The following PRKCH variants were observed in gnomAD, a reference collection of about 807,000 sequenced individuals.
The protein encoded by PRKCH is protein kinase C eta, also known as protein kinase C eta type.
In PRKCH, 28 loss-of-function variants were observed where a neutral mutation model predicts 82.5. The ratio of observed to expected loss-of-function variants is 0.34; its 90% CI spans 0.25 to 0.47. The LOEUF is 0.47. Ranked by LOEUF, PRKCH falls within the 20% of genes least tolerant of loss-of-function variation. The pLI is 1.00. For synonymous variants in PRKCH, 322 were observed against 327.4 expected, an observed-to-expected ratio of 0.98 and a Z score of 0.18; for missense variants, 705 against 881.8, an observed-to-expected ratio of 0.80 and a Z score of 2.54.
At chr14:61,549,226 C>G (rs11158355) in intron 13 of PRKCH, among the ~76,000 whole-genome samples, 9,247 of 152,256 alleles carry the variant, frequency 0.061, 900 homozygotes, top group African/African-American at 0.21. Context: ...TCAGCACTTG[C>G]AAGAAATCTT....
intron 1 of PRKCH, among the ~76,000 whole-genome samples, chr14:61,357,976 T>C (rs2046173687): frequency 6.6e-6 from 1 of 152,190 alleles, no homozygotes; most frequent in Non-Finnish European, 1.5e-5. Flanking sequence ...CATGTGAGTA[T>C]CTGAAAGCCT....
intron 1 of PRKCH, among the ~76,000 whole-genome samples, chr14:61,329,232 G>GTTTTTTT (rs369546229): frequency 1.2e-4 from 2 of 16,134 alleles, no homozygotes; most frequent in African/African-American, 2.3e-4. Context: ...AAACTCCTGA[G>GTTTTTTT]TCTTTTTTTT....
intron 4 of PRKCH, among the ~76,000 whole-genome samples, chr14:61,447,330 G>A (rs1884275224): frequency 6.6e-6 from 1 of 152,160 alleles, no homozygotes; most frequent in African/African-American, 2.4e-5. Flanking sequence ...AAGGAAAAAT[G>A]AACAAATCCA....
At chr14:61,305,221 C>G (rs980350143) in intron 1 of PRKCH, 5 of 152,044 alleles carry the variant, frequency 3.3e-5, no homozygotes, top group Admixed American at 2.6e-4. Context: ...CTCACTCTGT[C>G]CAGCACGGGC....
chr14:61,522,368 A>C lies in PRKCH; in HGVS notation c.1434-6707A>C, dbSNP rs558140885. 1.2e-4 allele frequency among the ~76,000 whole-genome samples: 18 copies of C among 152,196 alleles called. 1 individual carries two copies. The highest frequency in any genetic ancestry group is 1.2e-3 in the Admixed American group (18 of 15,292). On this transcript the variant is annotated intron_variant, in intron 10 of 13. Transcript: ENST00000332981. ...TCCCTCTCCTGAGTCAGAGTTTTCC[A>C]TGGTTTATTGGGCTAAAGACTGAAA...
chr14:61,468,931 G>A (rs1180892526), intron 9 of PRKCH, among the ~76,000 whole-genome samples: 2 of 152,256 alleles, frequency 1.3e-5, no homozygotes, highest in East Asian at 3.9e-4. Context: ...CTTAAAGCCT[G>A]CCAAGTTATA....
chr14:61,532,844 C>T (rs1213705074), intron 12 of PRKCH, among the ~76,000 whole-genome samples: 3 of 152,232 alleles, frequency 2.0e-5, no homozygotes, highest in African/African-American at 7.2e-5. Context: ...TGCAGGTTCA[C>T]TTTTGGGAAG....
intron 12 of PRKCH, among the ~76,000 whole-genome samples, chr14:61,541,714 A>G (rs1469025350): frequency 6.6e-6 from 1 of 152,234 alleles, no homozygotes; most frequent in Non-Finnish European, 1.5e-5. Flanking sequence ...AATCAGACAG[A>G]TTTTGAAAGA....
chr14:61,210,779 TCTCTCTCTC>T, intron 1 of PRKCH, among the ~76,000 whole-genome samples: 1 of 149,198 alleles, frequency 6.7e-6, no homozygotes, highest in Non-Finnish European at 1.5e-5. Context: ...TCTCTCTCTC[TCTCTCTCTC>T]TCTGTGTGTG....
At chr14:61,424,548 A>C (rs1051297319) in intron 2 of PRKCH, among the ~76,000 whole-genome samples, 1 of 152,216 alleles carries the variant, frequency 6.6e-6, no homozygotes, top group African/African-American at 2.4e-5. Context: ...AGATCTGTGG[A>C]ACTTTGAACT....
At chr14:61,367,891 T>C (rs2046317883) in intron 1 of PRKCH, among the ~76,000 whole-genome samples, 1 of 151,856 alleles carries the variant, frequency 6.6e-6, no homozygotes, top group South Asian at 2.1e-4. Flanking sequence ...ATTTTTTGTA[T>C]TTTTAGTAGA....
rs763702641 is a variant in PRKCH, at chr14:61,322,273, A to T, written c.172A>T (p.Ser58Cys). 6.2e-7 allele frequency: 1 copy of T among 1,613,056 alleles called. No individual in the cohort carries two copies. ...GGACCAGGTGCGCGTGGGCCAGACC[A>T]GCACCAAGCAGAAGACCAACAAACC... ...SVDQVRVGQT[S>C]TKQKTNKPTY... The change falls in exon 1 of 14, where the codon AGC becomes TGC. Residue 58 changes from serine (S) to cysteine (C), a missense_variant. Around this residue, in one of 5 missense-constraint regions of PRKCH, gnomAD observed 246 missense variants for 308.0 expected, o/e 0.80. Transcript: ENST00000332981.
intron 7 of PRKCH, chr14:61,456,778 G>C (rs1382423462): frequency 6.3e-6 from 1 of 158,822 alleles, no homozygotes; most frequent in Non-Finnish European, 1.4e-5. Context: ...AATGATGCTT[G>C]AATCTCTGAG....
At chr14:61,216,338 G>A (rs1337166454) in intron 1 of PRKCH, among the ~76,000 whole-genome samples, 3 of 151,920 alleles carry the variant, frequency 2.0e-5, no homozygotes, top group African/African-American at 7.3e-5. Flanking sequence ...GGTGGTGCAT[G>A]CCTGTAATTC....
intron 12 of PRKCH, chr14:61,543,501 C>T (rs1387422523): frequency 6.6e-6 from 1 of 152,244 alleles, no homozygotes; most frequent in Admixed American, 6.5e-5. Context: ...CCCTCACTCA[C>T]TCTGTGCAGC....
chr14:61,336,583 A>T (rs1254433626), intron 1 of PRKCH, among the ~76,000 whole-genome samples: 1 of 152,228 alleles, frequency 6.6e-6, no homozygotes, highest in Non-Finnish European at 1.5e-5. Flanking sequence ...TTTAGCTGCA[A>T]AGGACAGAAA....
chr14:61,318,410 G>A (rs76305320), upstream of PRKCH, among the ~76,000 whole-genome samples: 6,127 of 135,928 alleles, frequency 0.045, 191 homozygotes, highest in Middle Eastern at 0.089. Flanking sequence ...TCCCTATGTC[G>A]CGCAGGGTGG....
chr14:61,212,378 T>G (rs897404291), intron 1 of PRKCH, among the ~76,000 whole-genome samples: 1 of 152,176 alleles, frequency 6.6e-6, no homozygotes, highest in African/African-American at 2.4e-5. Context: ...TTTCAGAGAT[T>G]TGTCACTCTA....
At chr14:61,499,235 A>T (rs1231914926) in intron 10 of PRKCH, among the ~76,000 whole-genome samples, 1 of 152,134 alleles carries the variant, frequency 6.6e-6, no homozygotes, top group African/African-American at 2.4e-5. Context: ...CTGAAAGGGG[A>T]ATTTTTTCCT....
Sources: gnomAD v4.1 joint callset for allele counts (sites outside exome capture counted in the v4.1 genomes callset) on GRCh38, gnomAD v4.1.1 for gene constraint, gnomAD v4.1.1 regional missense constraint, MANE v1.5 for transcripts, NCBI Gene and HGNC (gene_info 2026-07-23, HGNC 2026-07-21) for gene names.